MYT1L: variants seen among roughly 807,000 people sequenced by gnomAD.
MYT1L encodes myelin transcription factor 1-like protein.
Under a neutral mutation model 126.7 loss-of-function variants are expected in MYT1L, and 12 were observed. The ratio of observed to expected loss-of-function variants is 0.09; its 90% CI spans 0.06 to 0.15. The LOEUF is 0.15. Among genes scored for constraint, MYT1L ranks in the 10% least tolerant of loss-of-function variants. MYT1L has a pLI of 1.00. For synonymous variants in MYT1L, 541 were observed against 604.2 expected, an observed-to-expected ratio of 0.90 and a Z score of 1.53; for missense variants, 979 against 1,585.2, an observed-to-expected ratio of 0.62 and a Z score of 6.49.
chr2:2,212,932 C>G (rs1011112464), intron 2 of MYT1L, among the ~76,000 whole-genome samples: 3 of 152,142 alleles, frequency 2.0e-5, no homozygotes, highest in Non-Finnish European at 4.4e-5. Flanking sequence ...CCACAGCAAG[C>G]TGGCCATCTG....
At chr2:1,830,800 C>T (rs2040051983) in intron 21 of MYT1L, among the ~76,000 whole-genome samples, 1 of 135,788 alleles carries the variant, frequency 7.4e-6, no homozygotes, top group Middle Eastern at 3.2e-3. Context: ...GTGGAGTGTG[C>T]CTTCTCGCTC....
intron 2 of MYT1L, among the ~76,000 whole-genome samples, chr2:2,275,603 C>T (rs1215299542): frequency 6.6e-6 from 1 of 152,112 alleles, no homozygotes; most frequent in East Asian, 1.9e-4. Context: ...CCCTAAGTTG[C>T]CTCTTTAAAA....
rs1216382883 is a variant in MYT1L, at chr2:1,796,840, G to A, written c.3277-4376C>T. On this transcript the variant is annotated intron_variant, in intron 23 of 24. Transcript: ENST00000647738. Reference sequence around the variant, plus strand: ...CCCCCACGGTGGGGTCTCGAACTCCGGCTCTCAGCACTCATGTGGTTCACA... The same window carrying A: ...CCCCCACGGTGGGGTCTCGAACTCCAGCTCTCAGCACTCATGTGGTTCACA... Among the ~76,000 whole-genome samples the A allele has an allele frequency of 3.3e-5, 5 of 152,134 alleles. No homozygotes were observed. In the South Asian group the frequency reaches 6.2e-4, roughly 19 times the overall value.
chr2:2,173,840 A>G (rs1404610845), intron 2 of MYT1L, among the ~76,000 whole-genome samples: 2 of 152,198 alleles, frequency 1.3e-5, no homozygotes, highest in Non-Finnish European at 2.9e-5. Flanking sequence ...GGGGCTCCCC[A>G]TGCTGTTTAT....
At chr2:2,122,837 A>ATGTGTGTGTGTGTGTGTGTG (rs200951880) in intron 3 of MYT1L, among the ~76,000 whole-genome samples, 1 of 135,506 alleles carries the variant, frequency 7.4e-6, no homozygotes, top group African/African-American at 2.9e-5. Flanking sequence ...GAGGATAGGA[A>ATGTGTGTGTGTGTGTGTGTG]TGTGTGTGTG....
chr2:1,950,234 G>A (rs1464178196), intron 8 of MYT1L, among the ~76,000 whole-genome samples: 2 of 151,956 alleles, frequency 1.3e-5, no homozygotes, highest in African/African-American at 2.4e-5. Flanking sequence ...ATCTCTGAAG[G>A]GGGATATTAA....
At position 2,054,776 on chromosome 2, in the gene MYT1L, G is replaced by A. The variant is rs191579807; in HGVS notation, c.-303-653C>T. ...GAGATGAGATACATGGAAATGAGATGCATGAAGATGAGACACAAGAGATGA... is the reference window on the plus strand; with the variant it reads ...GAGATGAGATACATGGAAATGAGATACATGAAGATGAGACACAAGAGATGA... On this transcript the variant is annotated intron_variant, in intron 3 of 24. Coordinates refer to ENST00000647738, the MANE Select transcript of MYT1L (RefSeq NM_001303052.2). 6.8e-5 allele frequency among the ~76,000 whole-genome samples: 10 copies of A among 147,416 alleles called. No individual in the cohort carries two copies. The East Asian group carries it at 2.1e-3, about 30-fold the overall frequency.
intron 4 of MYT1L, among the ~76,000 whole-genome samples, chr2:2,004,557 G>A (rs1420039394): frequency 1.3e-5 from 2 of 149,428 alleles, no homozygotes; most frequent in Non-Finnish European, 3.0e-5. Context: ...GTTCTTTCCT[G>A]CGTGCCTTCT....
chr2:2,002,920 T>C (rs2062545092), intron 4 of MYT1L, among the ~76,000 whole-genome samples: 1 of 152,134 alleles, frequency 6.6e-6, no homozygotes, highest in Non-Finnish European at 1.5e-5. Flanking sequence ...TTGCTCCTTC[T>C]TTACCTTCTG....
chr2:1,839,590 T>C (rs1281284802), intron 20 of MYT1L, among the ~76,000 whole-genome samples: 2 of 152,216 alleles, frequency 1.3e-5, no homozygotes, highest in Non-Finnish European at 2.9e-5. Flanking sequence ...CCTGACCCAT[T>C]GCAGATGGAA....
chr2:2,282,012 G>A (rs779384382), intron 2 of MYT1L, among the ~76,000 whole-genome samples: 1 of 152,152 alleles, frequency 6.6e-6, no homozygotes, highest in Non-Finnish European at 1.5e-5. Flanking sequence ...TAATGGTAGT[G>A]GATCTCGAAA....
At chr2:1,861,183 G>A (rs922876407) in intron 18 of MYT1L, among the ~76,000 whole-genome samples, 9 of 152,184 alleles carry the variant, frequency 5.9e-5, no homozygotes, top group African/African-American at 2.2e-4. Flanking sequence ...GGGGTCCTGA[G>A]GGCAGCGACT....
At chr2:2,272,097 G>T (rs1270249151) in intron 2 of MYT1L, among the ~76,000 whole-genome samples, 1 of 152,178 alleles carries the variant, frequency 6.6e-6, no homozygotes, top group Non-Finnish European at 1.5e-5. Flanking sequence ...CCTGCCTGAA[G>T]CTAAAGACGA....
chr2:1,809,232 G>T, intron 21 of MYT1L, 65 bp from the exon 22 acceptor site: 1 of 1,472,438 alleles, frequency 6.8e-7, no homozygotes. Flanking sequence ...CAGGGAAGTG[G>T]TGGTAAGCAA....
At chr2:1,909,895 C>T in intron 13 of MYT1L, among the ~76,000 whole-genome samples, 1 of 152,336 alleles carries the variant, frequency 6.6e-6, no homozygotes, top group Non-Finnish European at 1.5e-5. Context: ...CAAAATATGA[C>T]AAAATTACCT....
At chr2:2,199,313 T>C (rs1477668507) in intron 2 of MYT1L, among the ~76,000 whole-genome samples, 1 of 152,234 alleles carries the variant, frequency 6.6e-6, no homozygotes, top group East Asian at 1.9e-4. Flanking sequence ...AGAAAAACTA[T>C]GCTTACAAAA....
intron 3 of MYT1L, among the ~76,000 whole-genome samples, chr2:2,110,319 C>T (rs970614817): frequency 3.3e-5 from 5 of 152,108 alleles, no homozygotes; most frequent in African/African-American, 4.8e-5. Flanking sequence ...TTATTTAATT[C>T]GAGCTCCATT....
chr2:2,205,773 C>G (rs567435657), intron 2 of MYT1L, among the ~76,000 whole-genome samples: 3 of 152,210 alleles, frequency 2.0e-5, no homozygotes, highest in African/African-American at 7.2e-5. Context: ...GGGTACATTT[C>G]TAGTGATGTT....
In MYT1L at chr2:1,923,116, C is replaced by T. The variant is rs767068260; in HGVS notation, c.653G>A (p.Arg218Gln). 3 of 1,614,020 alleles carry T rather than the reference C, an allele frequency of 1.9e-6. No homozygotes were observed. Among genetic ancestry groups the T allele is most frequent in the Non-Finnish European group, 2.5e-6 (3 of 1,179,904 alleles). The change falls in exon 10 of 25, where the codon CGG (arginine) becomes CAG (glutamine). Residue 218 changes from arginine (R) to glutamine (Q), a missense_variant. Transcript: ENST00000647738. ...GTTCATTTCTGACTCAGTCCTGGCC[C>T]GGTAGGCTGCATCCTCAGCGATTTT... ...LGKIAEDAAY[R>Q]ARTESEMNSN...
Sources: allele counts gnomAD v4.1 joint callset (sites outside exome capture counted in the v4.1 genomes callset), GRCh38; gene constraint gnomAD v4.1.1; transcripts MANE v1.5; gene names NCBI Gene and HGNC (gene_info 2026-07-23, HGNC 2026-07-21).